The following EDA variants were observed in gnomAD, a reference collection of about 807,000 sequenced individuals.
EDA encodes ectodysplasin-A.
In EDA, 2 loss-of-function variants were observed where a neutral mutation model predicts 23.6. That is an observed-to-expected ratio of 0.08 (90% CI 0.03 to 0.27). The LOEUF is 0.27. Ranked by LOEUF, EDA falls within the 10% of genes least tolerant of loss-of-function variation. The probability of loss-of-function intolerance (pLI) is 1.00; values close to 1 mark genes in which losing one functional copy is unlikely to be tolerated. For missense variants in EDA, 229 were observed against 324.2 expected, an observed-to-expected ratio of 0.71 and a Z score of 2.26; for synonymous variants, 131 against 132.0, an observed-to-expected ratio of 0.99 and a Z score of 0.05.
chrX:69,822,517 CA>C (rs1450711737), intron 1 of EDA, among the ~76,000 whole-genome samples: 1 of 110,627 alleles, frequency 9.0e-6, no homozygotes, highest in East Asian at 2.8e-4. Context: ...GGGCAGAACT[CA>C]AGTCAACGAG....
intron 1 of EDA, among the ~76,000 whole-genome samples, chrX:69,620,238 C>G (rs1932128150): frequency 8.9e-6 from 1 of 111,789 alleles, no homozygotes; most frequent in Non-Finnish European, 1.9e-5. Flanking sequence ...CAAGAGGAGG[C>G]AAATAAAGGT....
At chrX:69,634,201 AT>A (rs902612489) in intron 1 of EDA, among the ~76,000 whole-genome samples, 4 of 112,579 alleles carry the variant, frequency 3.6e-5, no homozygotes, top group Non-Finnish European at 5.6e-5. Flanking sequence ...AAATTGCATT[AT>A]ATGCCTTTTA....
chrX:69,915,355 G>A (rs1305092416), intron 1 of EDA, among the ~76,000 whole-genome samples: 1 of 111,628 alleles, frequency 9.0e-6, no homozygotes, highest in African/African-American at 3.3e-5. Flanking sequence ...TGTAATCCCA[G>A]CACTTTGGGA....
At chrX:69,758,262 T>A (rs2804388) in intron 1 of EDA, among the ~76,000 whole-genome samples, 1 of 111,006 alleles carries the variant, frequency 9.0e-6, no homozygotes, top group Non-Finnish European at 1.9e-5. Flanking sequence ...AGATAATTGA[T>A]CATAAGCCAA....
intron 1 of EDA, among the ~76,000 whole-genome samples, chrX:69,777,780 GATAAATTACA>G (rs1195748841): frequency 1.8e-5 from 2 of 111,834 alleles, no homozygotes; most frequent in African/African-American, 6.5e-5. Context: ...ATTACAAAAT[GATAAATTACA>G]AATTTAGGTA....
chrX:69,827,368 G>A (rs920835134), intron 1 of EDA, among the ~76,000 whole-genome samples: 3 of 111,610 alleles, frequency 2.7e-5, no homozygotes, highest in African/African-American at 9.8e-5. Context: ...TTTTCACATA[G>A]TCCCATATTT....
intron 2 of EDA, among the ~76,000 whole-genome samples, chrX:70,010,398 C>T (rs1602603688): frequency 8.9e-6 from 1 of 112,213 alleles, no homozygotes; most frequent in East Asian, 2.8e-4. Flanking sequence ...CTGAAGTCGG[C>T]TTTGTCTGAA....
chrX:69,857,643 T>C (rs1268671553), intron 1 of EDA, among the ~76,000 whole-genome samples: 1 of 111,751 alleles, frequency 8.9e-6, no homozygotes, highest in African/African-American at 3.2e-5. Flanking sequence ...TTTGGCAGTA[T>C]GGTCATTTTC....
intron 2 of EDA, among the ~76,000 whole-genome samples, chrX:70,001,487 T>C (rs1211123543): frequency 8.9e-6 from 1 of 111,887 alleles, no homozygotes; most frequent in Non-Finnish European, 1.9e-5. Flanking sequence ...AACAGCACAT[T>C]GATGCCAGCC....
rs1055539366 is a variant in EDA at position 70,037,228 on chromosome X, C to T, written c.*1619C>T. On this transcript the variant is annotated 3_prime_UTR_variant, in exon 8 of 8. Coordinates refer to ENST00000374552, the MANE Select transcript of EDA (RefSeq NM_001399.5). The stretch of plus-strand genomic sequence containing the variant: ...GGCAGCTGAAATTCACCAAGAACAG[C>T]GGGTACTTATTTCTCAGCTGTGCCT... The T allele has an allele frequency of 2.6e-4, 29 of 112,026 alleles. No homozygotes were observed. Among genetic ancestry groups the T allele is most frequent in the Admixed American group, 2.5e-3 (26 of 10,602 alleles). 9.2% of individuals were successfully genotyped at this position (112,026 alleles called of 1,213,427 possible).
chrX:70,034,763 C>G (rs976237504), intron 7 of EDA, among the ~76,000 whole-genome samples: 4 of 111,585 alleles, frequency 3.6e-5, no homozygotes, highest in African/African-American at 1.3e-4. Context: ...CTCGATCTCT[C>G]TGGACCTGTT....
chrX:69,672,209 G>GA (rs1569290483), intron 1 of EDA, among the ~76,000 whole-genome samples: 1 of 111,169 alleles, frequency 9.0e-6, no homozygotes, highest in Non-Finnish European at 1.9e-5. Flanking sequence ...TTGTGGGGGG[G>GA]ACTTAGGTCA....
chrX:69,878,715 GACACACACACACACACACACAC>G (rs61027280), intron 1 of EDA, among the ~76,000 whole-genome samples: 318 of 99,118 alleles, frequency 3.2e-3, no homozygotes, highest in African/African-American at 0.011. Context: ...CCTTCACCAA[GACACACACACACACACACACAC>G]ACACACACAC....
intron 1 of EDA, among the ~76,000 whole-genome samples, chrX:69,634,399 A>G (rs1233509152): frequency 1.8e-5 from 2 of 111,022 alleles, no homozygotes; most frequent in Non-Finnish European, 3.8e-5. Context: ...TGCGACCTCC[A>G]TCTCCTGGGC....
chrX:69,622,034 C>G (rs745456899), intron 1 of EDA, among the ~76,000 whole-genome samples: 6 of 111,735 alleles, frequency 5.4e-5, no homozygotes, highest in Non-Finnish European at 5.6e-5. Flanking sequence ...GATGGGATTA[C>G]AGATGTGAAC....
At chrX:69,821,806 A>T (rs911681333) in intron 1 of EDA, among the ~76,000 whole-genome samples, 1 of 112,006 alleles carries the variant, frequency 8.9e-6, no homozygotes, top group African/African-American at 3.2e-5. Context: ...CAGTTTTTTT[A>T]AATTGTTATA....
chrX:69,722,994 T>C (rs1470864894), intron 1 of EDA, among the ~76,000 whole-genome samples: 1 of 112,375 alleles, frequency 8.9e-6, no homozygotes, highest in Non-Finnish European at 1.9e-5. Flanking sequence ...AGAAACACGT[T>C]ATAGCTTTCT....
chrX:69,888,978 T>TAGATAGATAGATATATA (rs1556026049), intron 1 of EDA, among the ~76,000 whole-genome samples: 1 of 16,013 alleles, frequency 6.2e-5, no homozygotes, highest in Non-Finnish European at 1.0e-4. Context: ...TGTGGGGTAG[T>TAGATAGATAGATATATA]TATATATATA....
chrX:69,881,213 G>C (rs966318704), intron 1 of EDA, among the ~76,000 whole-genome samples: 25 of 109,863 alleles, frequency 2.3e-4, no homozygotes, highest in African/African-American at 8.0e-4. Context: ...TTTAAGGATA[G>C]CTCTTAAGGG....
Sources: allele counts gnomAD v4.1 joint callset (sites outside exome capture counted in the v4.1 genomes callset), GRCh38; gene constraint gnomAD v4.1.1; transcripts MANE v1.5; gene names NCBI Gene and HGNC (gene_info 2026-07-23, HGNC 2026-07-21).